PRKAR1B: variants seen among roughly 807,000 people sequenced by gnomAD.
The protein encoded by PRKAR1B is cAMP-dependent protein kinase type I-beta regulatory subunit.
A neutral mutation model predicts 46.5 loss-of-function variants in PRKAR1B; 22 were observed. The ratio of observed to expected loss-of-function variants is 0.47; its 90% CI spans 0.34 to 0.68. PRKAR1B has a LOEUF of 0.68. Among genes scored for constraint, PRKAR1B ranks in the 30% least tolerant of loss-of-function variants. PRKAR1B has a pLI of 0.01. For synonymous variants in PRKAR1B, 259 were observed against 217.7 expected (o/e 1.19, Z -1.67); for missense variants, 445 against 535.6 (o/e 0.83, Z 1.67).
intron 3 of PRKAR1B, among the ~76,000 whole-genome samples, chr7:678,360 T>C (rs1192691099): frequency 6.6e-6 from 1 of 152,216 alleles, no homozygotes; most frequent in African/African-American, 2.4e-5. Flanking sequence ...ATATGCAATC[T>C]GTCAACAACC....
At position 593,965 on chromosome 7, in the gene PRKAR1B, G is replaced by A. The variant is rs754474615; in HGVS notation, c.708+2181C>T. Among the ~76,000 whole-genome samples, 8 of 152,138 alleles carry A rather than the reference G, an allele frequency of 5.3e-5. No individual in the cohort carries two copies. The highest frequency in any genetic ancestry group is 3.3e-4 in the Admixed American group (5 of 15,286). On this transcript the variant is annotated intron_variant, in intron 7 of 10. Transcript: ENST00000537384. This position sits in a 1 kb window ranked among gnomAD's most constrained non-coding sequence, Gnocchi z 6.1. ...CAAGAGCCGGCATCGCCGTGGGGCC[G>A]GGACAGGCCAGCGCCAGCAGGACAC... is the stretch of plus-strand genomic sequence containing the variant.
At chr7:675,113 G>C (rs897333807) in intron 4 of PRKAR1B, among the ~76,000 whole-genome samples, 1 of 152,186 alleles carries the variant, frequency 6.6e-6, no homozygotes, top group African/African-American at 2.4e-5. Flanking sequence ...CGGAAACATC[G>C]GAGCACGGAG....
At chr7:701,169 G>T (rs1418255621) in intron 2 of PRKAR1B, among the ~76,000 whole-genome samples, 1 of 150,230 alleles carries the variant, frequency 6.7e-6, no homozygotes, top group Non-Finnish European at 1.5e-5. Flanking sequence ...GCCTGGGCAA[G>T]AGAGCGAGAC....
chr7:702,124 T>C (rs1290296548), intron 2 of PRKAR1B, among the ~76,000 whole-genome samples: 2 of 152,172 alleles, frequency 1.3e-5, no homozygotes, highest in Non-Finnish European at 2.9e-5. Flanking sequence ...TGGGCCTATG[T>C]GATGGAAAAC....
intron 4 of PRKAR1B, among the ~76,000 whole-genome samples, chr7:636,753 C>CCA (rs1233184813): frequency 6.6e-6 from 1 of 152,218 alleles, no homozygotes; most frequent in African/African-American, 2.4e-5. Flanking sequence ...CGGGACCTGA[C>CCA]GGGTCGGGTC....
intron 2 of PRKAR1B, among the ~76,000 whole-genome samples, chr7:701,873 C>A (rs150817275): frequency 2.0e-5 from 3 of 152,284 alleles, no homozygotes; most frequent in African/African-American, 7.2e-5. Flanking sequence ...AAAGCGAGTT[C>A]TTCAGGCTGG....
rs141187149 is a variant in PRKAR1B at position 695,237 on chromosome 7, C to T, written c.178-14511G>A. ...CTGAAGACGTGGGATCAGAGGTGGC[C>T]GGCGAGAAAGGCAGGATGATCTCTG... On this transcript the variant is annotated intron_variant, in intron 2 of 10. Transcript: ENST00000537384. 1.1e-4 allele frequency among the ~76,000 whole-genome samples: 17 copies of T among 152,212 alleles called. 1 individual carries two copies. Among genetic ancestry groups the T allele is most frequent in the Admixed American group, 8.5e-4 (13 of 15,270 alleles).
At chr7:709,112 A>T (rs1188828398) in intron 2 of PRKAR1B, among the ~76,000 whole-genome samples, 7 of 34,102 alleles carry the variant, frequency 2.1e-4, no homozygotes, top group African/African-American at 6.4e-4. Flanking sequence ...TAATACTAAA[A>T]AAAAAAAAAA....
chr7:635,979 G>GA (rs1445782703), intron 4 of PRKAR1B, among the ~76,000 whole-genome samples: 4 of 103,356 alleles, frequency 3.9e-5, no homozygotes, highest in African/African-American at 1.5e-4. Flanking sequence ...TCCTCCACCG[G>GA]CCGCGCCCTC....
chr7:630,226 G>A (rs1783657093), intron 4 of PRKAR1B, among the ~76,000 whole-genome samples: 1 of 152,234 alleles, frequency 6.6e-6, no homozygotes, highest in African/African-American at 2.4e-5. Context: ...GGCTGGGCCA[G>A]GCCAGGCGAA....
At chr7:603,866 C>G (rs113421627) in intron 6 of PRKAR1B, among the ~76,000 whole-genome samples, 2,765 of 90,264 alleles carry the variant, frequency 0.031, 1 homozygote, top group African/African-American at 0.065. Context: ...CCAGAATGGA[C>G]AGGGCGGGGG....
At chr7:641,113 C>T (rs972740853) in intron 4 of PRKAR1B, among the ~76,000 whole-genome samples, 1 of 152,154 alleles carries the variant, frequency 6.6e-6, no homozygotes, top group African/African-American at 2.4e-5. Context: ...CCACCACGCC[C>T]GGCTAATTTT....
rs1554303084 is a variant in PRKAR1B at position 685,270 on chromosome 7, G to GTATATA, written c.178-4550_178-4545dup. Reference sequence around the variant, plus strand: ...ACACGTTTTATATATACATATATACGTATATATACGTATATATATGTATAC... The same window carrying GTATATA: ...ACACGTTTTATATATACATATATACGTATATATATATATACGTATATATATGTATAC... On this transcript the variant is annotated intron_variant, in intron 2 of 10. Transcript: ENST00000537384. Among the ~76,000 whole-genome samples, 12 of 24,856 alleles carry GTATATA rather than the reference G, an allele frequency of 4.8e-4. 3 individuals are homozygous for GTATATA. The highest frequency in any genetic ancestry group is 1.8e-3 in the African/African-American group (12 of 6,622). The allele number at this position is 24,856 out of a possible 152,430, so 16.3% of individuals were successfully genotyped here. A position where few individuals can be genotyped will look rare whatever the true frequency, so the allele number is the denominator to read the frequency against.
At chr7:705,307 A>T (rs77227833) in intron 2 of PRKAR1B, among the ~76,000 whole-genome samples, 5 of 127,250 alleles carry the variant, frequency 3.9e-5, no homozygotes, top group Non-Finnish European at 7.9e-5. Flanking sequence ...TGTCTCAATT[A>T]AAAAAAAAAA....
chr7:667,244 G>C lies in PRKAR1B; in HGVS notation c.440+9985C>G, dbSNP rs915945537. 8.5e-5 allele frequency among the ~76,000 whole-genome samples: 13 copies of C among 152,270 alleles called. 1 individual carries two copies. Among genetic ancestry groups the C allele is most frequent in the African/African-American group, 3.1e-4 (13 of 41,534 alleles). Reference sequence around the variant, plus strand: ...TGACTATGATGGTGATGATAATGATGGTGGTGATAACAGTACACACATAGA... The same window carrying C: ...TGACTATGATGGTGATGATAATGATCGTGGTGATAACAGTACACACATAGA... On this transcript the variant is annotated intron_variant, in intron 4 of 10. Coordinates refer to ENST00000537384, the MANE Select transcript of PRKAR1B (RefSeq NM_001164760.2). The surrounding 1 kb of genome is among the most constrained non-coding windows in gnomAD (Gnocchi z 4.3).
At chr7:650,463 C>T (rs146433801) in intron 4 of PRKAR1B, among the ~76,000 whole-genome samples, 4 of 152,148 alleles carry the variant, frequency 2.6e-5, no homozygotes, top group African/African-American at 4.8e-5. Context: ...GCTGCACCTC[C>T]GAACCTCCAG....
At chr7:686,771 A>G (rs1401089788) in intron 2 of PRKAR1B, among the ~76,000 whole-genome samples, 1 of 152,132 alleles carries the variant, frequency 6.6e-6, no homozygotes. Flanking sequence ...GAGAAGACAG[A>G]AACCCAGAGA....
intron 5 of PRKAR1B, among the ~76,000 whole-genome samples, chr7:606,740 G>A (rs1391648421): frequency 6.6e-6 from 1 of 151,440 alleles, no homozygotes; most frequent in African/African-American, 2.4e-5. Context: ...GAGCCACCGC[G>A]CCCGGCCTCA....
intron 9 of PRKAR1B, among the ~76,000 whole-genome samples, chr7:572,232 A>G (rs1398669575): frequency 1.3e-5 from 2 of 152,178 alleles, no homozygotes; most frequent in African/African-American, 2.4e-5. Flanking sequence ...GCAGCTCCCA[A>G]GGTTCACAAC....
Sources: allele counts gnomAD v4.1 joint callset (sites outside exome capture counted in the v4.1 genomes callset), GRCh38; gene constraint gnomAD v4.1.1; non-coding constraint Gnocchi (gnomAD v3.1); transcripts MANE v1.5; gene names NCBI Gene and HGNC (gene_info 2026-07-23, HGNC 2026-07-21).